The following WBP1L variants were observed in gnomAD, a reference collection of about 807,000 sequenced individuals.
The protein encoded by WBP1L is WW domain binding protein 1 like.
In WBP1L, 17 loss-of-function variants were observed where a neutral mutation model predicts 33.7. That is an observed-to-expected ratio of 0.50 (90% CI 0.34 to 0.76). The LOEUF (loss-of-function observed/expected upper bound fraction) is 0.76, where lower values mean the gene tolerates loss of function less well. Among genes scored for constraint, WBP1L ranks in the 30% least tolerant of loss-of-function variants. WBP1L has a pLI of 0.01. For synonymous variants in WBP1L, 173 were observed against 190.8 expected, an observed-to-expected ratio of 0.91 and a Z score of 0.77; for missense variants, 389 against 469.4, an observed-to-expected ratio of 0.83 and a Z score of 1.58.
chr10:102,804,903 A>C (rs1368320563), intron 2 of WBP1L, among the ~76,000 whole-genome samples: 1 of 152,194 alleles, frequency 6.6e-6, no homozygotes, highest in Non-Finnish European at 1.5e-5. Flanking sequence ...GAAGGAGAAG[A>C]AGCAGAAATA....
chr10:102,800,537 G>A (rs17115036), intron 2 of WBP1L, among the ~76,000 whole-genome samples: 4,061 of 152,328 alleles, frequency 0.027, 94 homozygotes, highest in South Asian at 0.11. Flanking sequence ...AGCTACGGGC[G>A]TTTAGGAAAG....
chr10:102,757,118 G>GTCCTCAA (rs1313939108), intron 1 of WBP1L, among the ~76,000 whole-genome samples: 2 of 152,118 alleles, frequency 1.3e-5, no homozygotes, highest in Admixed American at 6.6e-5. Flanking sequence ...TCAAACTCCT[G>GTCCTCAA]TCCTCAATGA....
chr10:102,784,421 CTTTTTTTTT>C (rs35898015), intron 1 of WBP1L, among the ~76,000 whole-genome samples: 2 of 97,846 alleles, frequency 2.0e-5, no homozygotes, highest in Admixed American at 2.3e-4. Context: ...GTTCTTGTTT[CTTTTTTTTT>C]TTTTTTTTTT....
chr10:102,796,024 C>G (rs1843568736), intron 1 of WBP1L, among the ~76,000 whole-genome samples: 1 of 152,048 alleles, frequency 6.6e-6, no homozygotes, highest in East Asian at 1.9e-4. Flanking sequence ...CCACAACTTG[C>G]GATGGTTCAA....
intron 1 of WBP1L, among the ~76,000 whole-genome samples, chr10:102,780,723 C>T (rs908439386): frequency 3.9e-5 from 6 of 152,156 alleles, no homozygotes; most frequent in South Asian, 2.1e-4. Context: ...AATAGAATGC[C>T]GCAGTTCAGA....
intron 1 of WBP1L, chr10:102,776,159 G>T: frequency 7.1e-7 from 1 of 1,417,872 alleles, no homozygotes. Context: ...TCTGAGATAT[G>T]TCACGAGAAG....
rs142388099 is a variant in WBP1L, at chr10:102,813,201, G to A, written c.962G>A (p.Cys321Tyr). 1.2e-5 allele frequency: 19 copies of A among 1,613,720 alleles called. No homozygotes were observed. In the African/African-American group the frequency reaches 2.3e-4, roughly 19 times the overall value. The change falls in exon 4 of 4, where the codon TGT becomes TAT. Residue 321 changes from cysteine to tyrosine, a missense_variant. Cys to Tyr is a radical substitution (Grantham distance 194). Transcript: ENST00000448841. ...RPPGDEEEGL[C>Y]QSSEEQAREP... ...CCTGGTGATGAGGAGGAAGGCCTCT[G>A]TCAGTCCTCTGAGGAGCAGGCTCGA...
intron 1 of WBP1L, among the ~76,000 whole-genome samples, chr10:102,785,572 T>C (rs1299901136): frequency 1.3e-5 from 2 of 152,094 alleles, no homozygotes; most frequent in African/African-American, 4.8e-5. Flanking sequence ...TAAGGGCCAC[T>C]AGTGCAATCC....
At position 102,812,698 on chromosome 10, in the gene WBP1L, G is replaced by T; in HGVS notation, c.459G>T (p.Leu153=). ...YSAFQLQQQQ[L]LPPQCGPAGG... Reference sequence around the variant, plus strand: ...CCTTCCAGCTACAGCAGCAGCAGCTGCTGCCTCCACAGTGTGGCCCTGCAG... The same window carrying T: ...CCTTCCAGCTACAGCAGCAGCAGCTTCTGCCTCCACAGTGTGGCCCTGCAG... The change falls in exon 4 of 4, where the codon CTG becomes CTT. Residue 153 remains leucine (L), a synonymous_variant. Coordinates refer to ENST00000448841, the MANE Select transcript of WBP1L (RefSeq NM_001083913.2). The T allele has an allele frequency of 6.2e-7, 1 of 1,613,864 alleles. No individual in the cohort carries two copies. The highest frequency in any genetic ancestry group is 8.5e-7 in the Non-Finnish European group (1 of 1,179,914).
chr10:102,767,233 G>A (rs1467553587), intron 1 of WBP1L, among the ~76,000 whole-genome samples: 1 of 152,182 alleles, frequency 6.6e-6, no homozygotes, highest in South Asian at 2.1e-4. Flanking sequence ...TGCAGCCTAC[G>A]AAAGTAATAA....
intron 1 of WBP1L, among the ~76,000 whole-genome samples, chr10:102,757,047 C>G (rs1427832490): frequency 2.0e-5 from 3 of 152,114 alleles, no homozygotes; most frequent in African/African-American, 7.2e-5. Flanking sequence ...GCCACCACAC[C>G]TAGCTAATTT....
intron 1 of WBP1L, among the ~76,000 whole-genome samples, chr10:102,771,100 G>A (rs1378291997): frequency 4.6e-5 from 7 of 152,058 alleles, no homozygotes; most frequent in African/African-American, 1.4e-4. Flanking sequence ...TCATGGTCAG[G>A]GTTGAACAAA....
chr10:102,790,560 G>A (rs942363796), intron 1 of WBP1L, among the ~76,000 whole-genome samples: 4 of 151,970 alleles, frequency 2.6e-5, no homozygotes, highest in African/African-American at 9.7e-5. Context: ...GCCCAGGCTG[G>A]AGTACAATGG....
chr10:102,776,175 G>A (rs1225133618), intron 1 of WBP1L: 14 of 1,440,748 alleles, frequency 9.7e-6, no homozygotes, highest in African/African-American at 5.7e-5. Context: ...AGAAGGTGGG[G>A]GTGGGCCAGA....
chr10:102,744,268 G>A, intron 1 of WBP1L, 125 bp downstream of exon 1: 2 of 1,281,150 alleles, frequency 1.6e-6, no homozygotes, highest in Non-Finnish European at 2.1e-6. Context: ...TATGCCTGGC[G>A]TGGACAGGAT....
At chr10:102,751,408 CAAGCA>C (rs1308425195) in intron 1 of WBP1L, among the ~76,000 whole-genome samples, 2 of 151,502 alleles carry the variant, frequency 1.3e-5, no homozygotes, top group Non-Finnish European at 2.9e-5. Flanking sequence ...ATCTCCACCT[CAAGCA>C]AACCTCCTAT....
chr10:102,808,314 G>C (rs771117241), intron 2 of WBP1L, among the ~76,000 whole-genome samples: 1 of 151,654 alleles, frequency 6.6e-6, no homozygotes, highest in Admixed American at 6.6e-5. Flanking sequence ...TTTCCCCCTC[G>C]TGCGTATATG....
At chr10:102,791,299 T>C (rs1843494055) in intron 1 of WBP1L, among the ~76,000 whole-genome samples, 1 of 152,202 alleles carries the variant, frequency 6.6e-6, no homozygotes, top group Admixed American at 6.5e-5. Flanking sequence ...AAAGTGATTG[T>C]TGTATAGCCA....
intron 1 of WBP1L, among the ~76,000 whole-genome samples, chr10:102,794,667 T>C (rs1005700531): frequency 8.5e-5 from 13 of 152,148 alleles, no homozygotes; most frequent in African/African-American, 3.1e-4. Flanking sequence ...GGAGGATCAG[T>C]TGAGCCTGGA....
Sources: gnomAD v4.1 joint callset for allele counts (sites outside exome capture counted in the v4.1 genomes callset) on GRCh38, gnomAD v4.1.1 for gene constraint, MANE v1.5 for transcripts, NCBI Gene and HGNC (gene_info 2026-07-23, HGNC 2026-07-21) for gene names.